SMG6: variants seen among roughly 807,000 people sequenced by gnomAD.
The protein encoded by SMG6 is SMG6 nonsense mediated mRNA decay factor, also known as telomerase-binding protein EST1A.
A neutral mutation model predicts 142.2 loss-of-function variants in SMG6; 66 were observed. The ratio of observed to expected loss-of-function variants is 0.46; its 90% CI spans 0.38 to 0.57. SMG6 has a LOEUF of 0.57. SMG6 is among the 20% of genes least tolerant of loss of function. SMG6 has a pLI of 0.00. For missense variants in SMG6, 1,793 were observed against 1,832.0 expected (o/e 0.98, Z 0.39); for synonymous variants, 779 against 702.4 (o/e 1.11, Z -1.72).
intron 13 of SMG6, among the ~76,000 whole-genome samples, chr17:2,113,195 G>C (rs2069392879): frequency 6.6e-6 from 1 of 152,042 alleles, no homozygotes; most frequent in Non-Finnish European, 1.5e-5. Flanking sequence ...TCAGCCTCCT[G>C]ATTAGTGAAC....
At position 2,068,983 on chromosome 17, in the gene SMG6, G is replaced by A. The variant is rs766843840; in HGVS notation, c.3682-52C>T. On this transcript the variant is annotated intron_variant, in intron 15 of 18. Coordinates refer to ENST00000263073, the MANE Select transcript of SMG6 (RefSeq NM_017575.5). The surrounding 1 kb of genome is among the most constrained non-coding windows in gnomAD (Gnocchi z 6.7). ...CAGACAGCGAGCAGGCAAGCAGGTG[G>A]GTGAGCCAGGGCCCTGACACTACGG... 29 of 1,587,798 alleles carry A rather than the reference G, an allele frequency of 1.8e-5. No individual in the cohort carries two copies. Among genetic ancestry groups the A allele is most frequent in the Non-Finnish European group, 2.5e-5 (29 of 1,161,278 alleles).
intron 3 of SMG6, 56 bp from the exon 4 acceptor site, chr17:2,297,409 A>T: frequency 7.4e-7 from 1 of 1,347,444 alleles, no homozygotes; most frequent in South Asian, 1.3e-5. Flanking sequence ...CAACCTATCC[A>T]CCAAAAACCG....
At position 2,276,386 on chromosome 17, in the gene SMG6, A is replaced by C. The variant is rs1167064706; in HGVS notation, c.2661+6261T>G. ...TCCACATCTGCTGTTACAACTGTCC[A>C]GCAAACGTTTTTTTTTTGTTTTTGA... On this transcript the variant is annotated intron_variant, in intron 8 of 18. Coordinates refer to ENST00000263073, the MANE Select transcript of SMG6 (RefSeq NM_017575.5). 6.6e-5 allele frequency among the ~76,000 whole-genome samples: 10 copies of C among 152,082 alleles called. No individual in the cohort carries two copies. The East Asian group carries it at 1.9e-3, about 29-fold the overall frequency.
At chr17:2,139,524 C>T (rs1458268684) in intron 13 of SMG6, among the ~76,000 whole-genome samples, 1 of 149,972 alleles carries the variant, frequency 6.7e-6, no homozygotes, top group Non-Finnish European at 1.5e-5. Flanking sequence ...CGGCATCAAG[C>T]GATTCTCCAG....
At chr17:2,161,549 T>C (rs1221583640) in intron 13 of SMG6, among the ~76,000 whole-genome samples, 2 of 152,110 alleles carry the variant, frequency 1.3e-5, no homozygotes, top group Admixed American at 6.6e-5. Context: ...ATAAGCAATC[T>C]TGCCTCCAAA....
Position 2,085,663 on chromosome 17 carries a change from G to T in SMG6, c.3534+62C>A. 1 of 1,508,758 alleles carries T rather than the reference G, an allele frequency of 6.6e-7. No individual in the cohort carries two copies. The highest frequency in any genetic ancestry group is 9.0e-7 in the Non-Finnish European group (1 of 1,109,800). The allele number at this position is 1,508,758 out of a possible 1,614,324, so 93.5% of individuals were successfully genotyped here. A position where few individuals can be genotyped will look rare whatever the true frequency, so the allele number is the denominator to read the frequency against. ...TAAATAAGCAGGAGGAAAAGCTGAA[G>T]CCACGAGCAGAATGGGGAGGGGGCC... is the stretch of plus-strand genomic sequence containing the variant. On this transcript the variant is annotated intron_variant, in intron 14 of 18. Transcript: ENST00000263073. The surrounding 1 kb of genome is among the most constrained non-coding windows in gnomAD (Gnocchi z 4.1).
In SMG6 at chr17:2,065,457, C is replaced by T. The variant is rs370075857; in HGVS notation, c.4047+11G>A. 6.2e-6 allele frequency: 10 copies of T among 1,609,706 alleles called. No homozygotes were observed. Among genetic ancestry groups the T allele is most frequent in the Non-Finnish European group, 8.5e-6 (10 of 1,178,990 alleles). On this transcript the variant is annotated intron_variant, in intron 17 of 18. Transcript: ENST00000263073. ...GGCTGTGGGCTTTCCCTTCCTGCCA[C>T]AGGGTCTCACCAGCTGGCCAGTGAT... is the stretch of plus-strand genomic sequence containing the variant.
chr17:2,156,761 C>G (rs1402147494), intron 13 of SMG6, among the ~76,000 whole-genome samples: 1 of 152,190 alleles, frequency 6.6e-6, no homozygotes, highest in Admixed American at 6.5e-5. Flanking sequence ...CTCAAGCAAT[C>G]CTCCCACTTC....
At chr17:2,108,289 C>T (rs1045827029) in intron 13 of SMG6, among the ~76,000 whole-genome samples, 1 of 152,182 alleles carries the variant, frequency 6.6e-6, no homozygotes, top group Non-Finnish European at 1.5e-5. Flanking sequence ...CAATCCCCAG[C>T]GTCCACTATG....
At chr17:2,289,947 TA>T (rs2074995579) in intron 6 of SMG6, among the ~76,000 whole-genome samples, 1 of 139,754 alleles carries the variant, frequency 7.2e-6, no homozygotes, top group Admixed American at 6.9e-5. Flanking sequence ...TATACATATA[TA>T]TATATATATA....
intron 8 of SMG6, among the ~76,000 whole-genome samples, chr17:2,258,466 G>A (rs1357626375): frequency 2.6e-5 from 4 of 151,302 alleles, no homozygotes; most frequent in Admixed American, 2.0e-4. Context: ...ACTGAGGCAG[G>A]AGAATCATTT....
intron 13 of SMG6, among the ~76,000 whole-genome samples, chr17:2,165,978 G>A (rs1158210538): frequency 2.6e-5 from 4 of 152,100 alleles, no homozygotes; most frequent in Admixed American, 1.3e-4. Context: ...TAGGGAGGCC[G>A]AGGTGGGCGG....
In SMG6 at chr17:2,140,529, G is replaced by A. The variant is rs920205864; in HGVS notation, c.3357+32129C>T. 5.3e-5 allele frequency among the ~76,000 whole-genome samples: 8 copies of A among 152,010 alleles called. No individual in the cohort carries two copies. The South Asian group carries it at 6.2e-4, about 12-fold the overall frequency. ...TACTAAAAATGCAAAAAAATCAGCC[G>A]GGTGTGGTAGCACGCACCTGTTGTC... On this transcript the variant is annotated intron_variant, in intron 13 of 18. Coordinates refer to ENST00000263073, the MANE Select transcript of SMG6 (RefSeq NM_017575.5).
At chr17:2,242,603 G>A (rs2073833679) in intron 9 of SMG6, among the ~76,000 whole-genome samples, 3 of 143,724 alleles carry the variant, frequency 2.1e-5, no homozygotes, top group Non-Finnish European at 3.0e-5. Context: ...GCTGAGCCAC[G>A]AGTTCAAGGC....
At chr17:2,243,461 A>T (rs1225311237) in intron 9 of SMG6, among the ~76,000 whole-genome samples, 2 of 152,224 alleles carry the variant, frequency 1.3e-5, no homozygotes, top group Non-Finnish European at 2.9e-5. Flanking sequence ...CAGGTGGATC[A>T]CATGAGGTCA....
chr17:2,102,954 C>T (rs577409055), intron 13 of SMG6, among the ~76,000 whole-genome samples: 54 of 152,296 alleles, frequency 3.5e-4, no homozygotes, highest in African/African-American at 1.3e-3. Flanking sequence ...ACCCATGTTG[C>T]TGAAAACAAC....
intron 8 of SMG6, among the ~76,000 whole-genome samples, chr17:2,266,853 A>G (rs1044063452): frequency 6.6e-6 from 1 of 152,244 alleles, no homozygotes; most frequent in African/African-American, 2.4e-5. Context: ...TGGACAAAGC[A>G]GCCCCAATCC....
chr17:2,151,691 A>C (rs762062499), intron 13 of SMG6, among the ~76,000 whole-genome samples: 16 of 152,258 alleles, frequency 1.1e-4, no homozygotes, highest in Non-Finnish European at 1.0e-4. Context: ...AAAAGTGACA[A>C]GATTCCACAT....
chr17:2,253,158 T>TATTTATTTTG (rs56289234), intron 8 of SMG6, among the ~76,000 whole-genome samples: 1 of 147,126 alleles, frequency 6.8e-6, no homozygotes, highest in Admixed American at 6.7e-5. Context: ...TTTATTTATT[T>TATTTATTTTG]TGAGATGGAG....
Sources: gnomAD v4.1 joint callset for allele counts (sites outside exome capture counted in the v4.1 genomes callset) on GRCh38, gnomAD v4.1.1 for gene constraint, Gnocchi (gnomAD v3.1) non-coding constraint, MANE v1.5 for transcripts, NCBI Gene and HGNC (gene_info 2026-07-23, HGNC 2026-07-21) for gene names.